RRP15: variants seen among roughly 807,000 people sequenced by gnomAD.
RRP15 encodes the protein ribosomal RNA processing 15 homolog, also known as RRP15-like protein.
RRP15 carries 18 observed loss-of-function variants against 27.1 expected under a neutral mutation model. The observed-to-expected ratio is 0.66, with a 90% confidence interval of 0.46 to 0.98. The LOEUF (loss-of-function observed/expected upper bound fraction) is 0.98. RRP15 is among the 50% of genes least tolerant of loss of function. The pLI, the probability that RRP15 is intolerant of heterozygous loss-of-function variation, is 0.00. For synonymous variants in RRP15, 107 were observed against 109.4 expected (o/e 0.98, Z 0.14); for missense variants, 359 against 337.8 (o/e 1.06, Z -0.49).
Position 218,323,260 on chromosome 1 carries a change from C to T in RRP15, c.706-7688C>T, listed in dbSNP as rs115764264. Among the ~76,000 whole-genome samples the T allele has an allele frequency of 4.9e-3, 744 of 152,318 alleles. 5 individuals carry two copies. Among genetic ancestry groups the T allele is most frequent in the African/African-American group, 0.016 (674 of 41,570 alleles). On this transcript the variant is annotated intron_variant, in intron 4 of 4. Transcript: ENST00000366932. ...TTACACCTCTTTTAGCCCCGCCGTT[C>T]GGCAGGTCCCGAGTTCTTGTGCTGC...
At chr1:218,291,709 T>A (rs914667626) in intron 1 of RRP15, among the ~76,000 whole-genome samples, 2 of 151,888 alleles carry the variant, frequency 1.3e-5, no homozygotes, top group African/African-American at 4.8e-5. Context: ...TTTTTGTATT[T>A]TTAGTAGAGA....
chr1:218,295,082 G>A (rs970660583), intron 1 of RRP15, among the ~76,000 whole-genome samples: 4 of 152,070 alleles, frequency 2.6e-5, no homozygotes, highest in African/African-American at 9.7e-5. Context: ...ATATATACTC[G>A]GTTCTTAAGC....
At chr1:218,297,887 G>A (rs1200905393) in intron 1 of RRP15, among the ~76,000 whole-genome samples, 2 of 152,106 alleles carry the variant, frequency 1.3e-5, no homozygotes, top group Non-Finnish European at 2.9e-5. Context: ...GAATTGATGT[G>A]TATTGCATTT....
At chr1:218,290,053 T>A (rs1374829140) in intron 1 of RRP15, among the ~76,000 whole-genome samples, 1 of 152,212 alleles carries the variant, frequency 6.6e-6, no homozygotes, top group Non-Finnish European at 1.5e-5. Context: ...GCAGCCTTAC[T>A]CCCTTCAGTC....
rs1656469784 is a variant in RRP15 at position 218,337,635 on chromosome 1, A to C, written c.*6544A>C. The C allele has an allele frequency of 6.6e-6, 1 of 152,132 alleles. No homozygotes were observed. The highest frequency in any genetic ancestry group is 2.4e-5 in the African/African-American group (1 of 41,434). The allele number at this position is 152,132 out of a possible 1,614,324, so 9.4% of individuals were successfully genotyped here. A position where few individuals can be genotyped will look rare whatever the true frequency, so the allele number is the denominator to read the frequency against. ...CAATGCATGAGGTGAATAGAATAAG[A>C]CTTTTTTTTAAAGAATGTAATTTTT... On this transcript the variant is annotated 3_prime_UTR_variant, in exon 5 of 5. Coordinates refer to ENST00000366932, the MANE Select transcript of RRP15 (RefSeq NM_016052.4).
At chr1:218,324,018 G>A (rs1055641455) in intron 4 of RRP15, among the ~76,000 whole-genome samples, 12 of 152,142 alleles carry the variant, frequency 7.9e-5, no homozygotes, top group African/African-American at 2.9e-4. Flanking sequence ...CTATTCCTGC[G>A]AGGGCGGGGC....
intron 4 of RRP15, among the ~76,000 whole-genome samples, chr1:218,330,590 T>C (rs991629264): frequency 1.3e-5 from 2 of 152,214 alleles, no homozygotes; most frequent in Non-Finnish European, 2.9e-5. Context: ...AAATTATCAC[T>C]GAAGGTTAAA....
rs545915381 is a variant in RRP15 at position 218,333,218 on chromosome 1, A to G, written c.*2127A>G. 6.6e-6 allele frequency: 1 copy of G among 152,210 alleles called. No homozygotes were observed. Among genetic ancestry groups the G allele is most frequent in the African/African-American group, 2.4e-5 (1 of 41,464 alleles). The allele number at this position is 152,210 out of a possible 1,614,324, so 9.4% of individuals were successfully genotyped here. On this transcript the variant is annotated 3_prime_UTR_variant, in exon 5 of 5. Coordinates refer to ENST00000366932, the MANE Select transcript of RRP15 (RefSeq NM_016052.4). Reference sequence around the variant, plus strand: ...AATGTATCACTTCTGTTAGAAGGCTATGAAGTATATATAAATTATATGACA... The same window carrying G: ...AATGTATCACTTCTGTTAGAAGGCTGTGAAGTATATATAAATTATATGACA...
intron 1 of RRP15, among the ~76,000 whole-genome samples, chr1:218,299,539 T>C (rs1655777201): frequency 6.6e-6 from 1 of 152,148 alleles, no homozygotes; most frequent in South Asian, 2.1e-4. Flanking sequence ...TTGAAAAACA[T>C]GAAATCTGTG....
rs185936256 is a variant in RRP15, at chr1:218,304,798, G to T, written c.406-230G>T. On this transcript the variant is annotated intron_variant, in intron 2 of 4. Coordinates refer to ENST00000366932, the MANE Select transcript of RRP15 (RefSeq NM_016052.4). ...TATGCTGGCAGCTCTCCAGGCCCCT[G>T]CTGTCAGAGGGCCTGACAGAAACTC... Among the ~76,000 whole-genome samples, 831 of 152,238 alleles carry T rather than the reference G, an allele frequency of 5.5e-3. 10 individuals carry two copies. Among genetic ancestry groups the T allele is most frequent in the African/African-American group, 0.019 (793 of 41,542 alleles).
intron 2 of RRP15, among the ~76,000 whole-genome samples, chr1:218,304,509 G>GCA (rs1655865233): frequency 6.6e-6 from 1 of 152,176 alleles, no homozygotes; most frequent in Non-Finnish European, 1.5e-5. Flanking sequence ...GCTACGAGAG[G>GCA]AGAAATGGAT....
At chr1:218,301,594 T>A (rs970446460) in intron 1 of RRP15, 4 of 152,462 alleles carry the variant, frequency 2.6e-5, no homozygotes, top group Non-Finnish European at 4.4e-5. Flanking sequence ...CATGATAAAA[T>A]TCAATGGTAC....
At chr1:218,293,474 G>A (rs1181022437) in intron 1 of RRP15, among the ~76,000 whole-genome samples, 2 of 152,130 alleles carry the variant, frequency 1.3e-5, no homozygotes, top group East Asian at 1.9e-4. Context: ...GAATCAGTGT[G>A]TAAATTACAG....
rs921360260 is a variant in RRP15 at position 218,332,957 on chromosome 1, G to A, written c.*1866G>A. 2 of 150,870 alleles carry A rather than the reference G, an allele frequency of 1.3e-5. No homozygotes were observed. The highest frequency in any genetic ancestry group is 2.4e-5 in the African/African-American group (1 of 41,042). The allele number at this position is 150,870 out of a possible 1,614,324, so 9.3% of individuals were successfully genotyped here. A position where few individuals can be genotyped will look rare whatever the true frequency, so the allele number is the denominator to read the frequency against. ...TTAATTTAATTTAATGTGTTTCTGC[G>A]TTATACTAGAGTTTTGCAGGAATTT... On this transcript the variant is annotated 3_prime_UTR_variant, in exon 5 of 5. Transcript: ENST00000366932.
intron 4 of RRP15, among the ~76,000 whole-genome samples, chr1:218,313,323 A>G (rs1656031835): frequency 6.6e-6 from 1 of 152,144 alleles, no homozygotes; most frequent in South Asian, 2.1e-4. Context: ...GGGTGAAGGG[A>G]AAAGAAGAAT....
At chr1:218,328,926 A>G (rs61823386) in intron 4 of RRP15, among the ~76,000 whole-genome samples, 14,484 of 152,174 alleles carry the variant, frequency 0.095, 1,002 homozygotes, top group Non-Finnish European at 0.15. Flanking sequence ...GTACTTGTTC[A>G]TATGTAAACT....
rs533049046 is a variant in RRP15, at chr1:218,336,792, G to A, written c.*5701G>A. 2 of 152,104 alleles carry A rather than the reference G, an allele frequency of 1.3e-5. No individual in the cohort carries two copies. The highest frequency in any genetic ancestry group is 2.9e-5 in the Non-Finnish European group (2 of 68,024). The allele number at this position is 152,104 out of a possible 1,614,324, so 9.4% of individuals were successfully genotyped here. A position where few individuals can be genotyped will look rare whatever the true frequency, so the allele number is the denominator to read the frequency against. Reference sequence around the variant, plus strand: ...AATATAAAAGCTCAAAGTCCAAAAGGTTCAATGTGATGATATCCTTCTCTA... The same window carrying A: ...AATATAAAAGCTCAAAGTCCAAAAGATTCAATGTGATGATATCCTTCTCTA... On this transcript the variant is annotated 3_prime_UTR_variant, in exon 5 of 5. Transcript: ENST00000366932.
At chr1:218,323,807 T>A (rs2102513940) in intron 4 of RRP15, among the ~76,000 whole-genome samples, 1 of 152,274 alleles carries the variant, frequency 6.6e-6, no homozygotes, top group East Asian at 1.9e-4. Flanking sequence ...CCAGTGTGCG[T>A]ATACCCAGCT....
At chr1:218,315,454 A>AG (rs1411310587) in intron 4 of RRP15, among the ~76,000 whole-genome samples, 24 of 151,880 alleles carry the variant, frequency 1.6e-4, no homozygotes, top group Non-Finnish European at 2.8e-4. Context: ...CTAAGGCAGG[A>AG]TCTCACTCTG....
Sources: allele counts gnomAD v4.1 joint callset (sites outside exome capture counted in the v4.1 genomes callset), GRCh38; gene constraint gnomAD v4.1.1; transcripts MANE v1.5; gene names NCBI Gene and HGNC (gene_info 2026-07-23, HGNC 2026-07-21).